Variants in TTC39C observed in about 807,000 individuals in gnomAD.
TTC39C encodes the protein tetratricopeptide repeat protein 39C.
A neutral mutation model predicts 76.3 loss-of-function variants in TTC39C; 33 were observed. The ratio of observed to expected loss-of-function variants is 0.43; its 90% confidence interval spans 0.33 to 0.58. The LOEUF is 0.58. Ranked by LOEUF, TTC39C falls within the 20% of genes least tolerant of loss-of-function variation. TTC39C has a pLI of 0.04. For synonymous variants in TTC39C, 254 were observed against 260.6 expected (o/e 0.97, Z 0.24); for missense variants, 595 against 701.4 (o/e 0.85, Z 1.71).
chr18:24,092,123 A>AAATAATAATAATAATAAT (rs1555775345), intron 6 of TTC39C, among the ~76,000 whole-genome samples: 2 of 50,506 alleles, frequency 4.0e-5, no homozygotes, highest in East Asian at 7.1e-4. Flanking sequence ...AAAAAAAAAA[A>AAATAATAATAATAATAAT]AATAATAATA....
chr18:24,045,136 G>A (rs1229948640), intron 1 of TTC39C, among the ~76,000 whole-genome samples: 58 of 152,064 alleles, frequency 3.8e-4, no homozygotes, highest in Non-Finnish European at 1.0e-4. Context: ...AGACACGGTG[G>A]CACACGCCTG....
chr18:24,023,980 A>ATATAT (rs1568408996), intron 1 of TTC39C, among the ~76,000 whole-genome samples: 1 of 11,578 alleles, frequency 8.6e-5, no homozygotes, highest in South Asian at 4.8e-3. Flanking sequence ...ATATATATAT[A>ATATAT]CATATATATA....
chr18:24,000,454 A>T (rs561610440), intron 1 of TTC39C: 1 of 152,262 alleles, frequency 6.6e-6, no homozygotes, highest in Non-Finnish European at 1.5e-5. Flanking sequence ...CACCCTGCCC[A>T]CAGCTTGATT....
Position 24,130,349 on chromosome 18 carries a change from C to T in TTC39C, c.1555C>T (p.Gln519Ter), listed in dbSNP as rs758714308. Reference sequence around the variant, plus strand: ...AGCTGTTAAAGATGAATTGTGTCGTCAGAATAACTTATATGTTCAGCCGTA... The same window carrying T: ...AGCTGTTAAAGATGAATTGTGTCGTTAGAATAACTTATATGTTCAGCCGTA... ...QRAVKDELCR[Q>*]NNLYVQPYAC... is the part of the protein sequence containing the mutation. Residue 519 changes from glutamine (Q) to a stop codon, truncating the protein, a stop_gained, in exon 12 of 14, where the codon CAG becomes TAG. Coordinates refer to ENST00000317571, the MANE Select transcript of TTC39C (RefSeq NM_001135993.2). LOFTEE classifies it high-confidence loss of function. 3 of 1,590,628 alleles carry T rather than the reference C, an allele frequency of 1.9e-6. No individual in the cohort carries two copies. The highest frequency in any genetic ancestry group is 3.6e-5 in the Admixed American group (2 of 55,674).
chr18:24,120,088 TC>T (rs2084946550), intron 8 of TTC39C, among the ~76,000 whole-genome samples: 1 of 151,874 alleles, frequency 6.6e-6, no homozygotes, highest in African/African-American at 2.4e-5. Flanking sequence ...GGTGAATAGC[TC>T]CAGTACAAAG....
chr18:24,015,016 GA>G lies in TTC39C; in HGVS notation c.146del (p.Asp49AlafsTer13). On this transcript the variant is annotated frameshift_variant, in exon 1 of 14. Transcript: ENST00000317571. LOFTEE classifies it high-confidence loss of function. ...MLLNNGFRES[D>X]QLFKQYRNHS... ...GCTCAACAACGGCTTCAGGGAGTCG[GA>G]CCAGCTTTTCAAACAATACAGGTGA... 2.0e-6 allele frequency: 3 copies of G among 1,513,352 alleles called. No individual in the cohort carries two copies. Among genetic ancestry groups the G allele is most frequent in the Non-Finnish European group, 2.7e-6 (3 of 1,130,654 alleles). The allele number at this position is 1,513,352 out of a possible 1,614,324, so 93.7% of individuals were successfully genotyped here.
chr18:24,060,148 A>G (rs1222888231), intron 1 of TTC39C, among the ~76,000 whole-genome samples: 1 of 152,122 alleles, frequency 6.6e-6, no homozygotes, highest in Non-Finnish European at 1.5e-5. Context: ...GAATTGCCAC[A>G]CTGTCTTCCA....
At chr18:24,005,687 A>C (rs1400122440) in intron 1 of TTC39C, among the ~76,000 whole-genome samples, 1 of 151,886 alleles carries the variant, frequency 6.6e-6, no homozygotes, top group Non-Finnish European at 1.5e-5. Flanking sequence ...CTCTAAAAAA[A>C]AAAAAAAATT....
intron 7 of TTC39C, among the ~76,000 whole-genome samples, chr18:24,115,732 G>C (rs914143608): frequency 5.9e-5 from 9 of 152,206 alleles, no homozygotes; most frequent in Non-Finnish European, 8.8e-5. Context: ...AAAACCAAAA[G>C]ATTGCGAACT....
At chr18:24,036,210 G>T (rs2083730240) in intron 1 of TTC39C, among the ~76,000 whole-genome samples, 1 of 152,184 alleles carries the variant, frequency 6.6e-6, no homozygotes, top group Non-Finnish European at 1.5e-5. Flanking sequence ...GCTATTTGGG[G>T]TCCCTTGAGA....
intron 6 of TTC39C, among the ~76,000 whole-genome samples, chr18:24,103,239 T>C (rs141889204): frequency 6.6e-6 from 1 of 152,364 alleles, no homozygotes; most frequent in East Asian, 1.9e-4. Flanking sequence ...AAGGTACAGA[T>C]AAACGTCTTG....
At chr18:24,061,172 A>G (rs1260392353) in intron 1 of TTC39C, among the ~76,000 whole-genome samples, 1 of 151,754 alleles carries the variant, frequency 6.6e-6, no homozygotes, top group Non-Finnish European at 1.5e-5. Flanking sequence ...TTTGAAAAAA[A>G]TGTTATAGAT....
intron 1 of TTC39C, among the ~76,000 whole-genome samples, chr18:24,041,123 A>T (rs1264826210): frequency 2.6e-5 from 4 of 152,192 alleles, no homozygotes; most frequent in South Asian, 2.1e-4. Flanking sequence ...AATCAGATTT[A>T]CATGTCATTT....
intron 1 of TTC39C, among the ~76,000 whole-genome samples, chr18:24,024,004 A>G (rs866100979): frequency 2.1e-4 from 1 of 4,866 alleles, no homozygotes; most frequent in African/African-American, 5.9e-4. Flanking sequence ...ATATATATAT[A>G]TATATATATA....
At chr18:24,073,908 G>A (rs2084272042) in intron 4 of TTC39C, among the ~76,000 whole-genome samples, 2 of 152,164 alleles carry the variant, frequency 1.3e-5, no homozygotes. Flanking sequence ...TTATTTACAT[G>A]TCTGCCTAAA....
At chr18:23,999,698 C>T (rs770437728) in intron 1 of TTC39C, among the ~76,000 whole-genome samples, 3 of 152,222 alleles carry the variant, frequency 2.0e-5, no homozygotes, top group African/African-American at 7.2e-5. Flanking sequence ...AGCCCTCACC[C>T]TGTGGGGAAG....
In TTC39C at chr18:24,014,900, GGCGGCGGGA is replaced by G; in HGVS notation, c.30_38del (p.Arg11_Asp13del). ...GCCGGCTCGGAGCAGCAGCGGCCGC[GGCGGCGGGA>G]CGACGGAGACTCGGACGCGGCAGCG... On this transcript the variant is annotated inframe_deletion, in exon 1 of 14. Transcript: ENST00000317571. 1 of 1,493,740 alleles carries G rather than the reference GGCGGCGGGA, an allele frequency of 6.7e-7. No homozygotes were observed. The highest frequency in any genetic ancestry group is 1.3e-5 in the South Asian group (1 of 76,952). The allele number at this position is 1,493,740 out of a possible 1,614,324, so 92.5% of individuals were successfully genotyped here. A position where few individuals can be genotyped will look rare whatever the true frequency, so the allele number is the denominator to read the frequency against.
intron 9 of TTC39C, chr18:24,124,433 G>C (rs1201241189): frequency 1.3e-5 from 2 of 152,298 alleles, no homozygotes; most frequent in African/African-American, 4.8e-5. Flanking sequence ...CAGGCTGTCT[G>C]GGGTTGAGAA....
At chr18:24,103,123 CTTTAT>C (rs1353031857) in intron 6 of TTC39C, among the ~76,000 whole-genome samples, 2 of 152,110 alleles carry the variant, frequency 1.3e-5, no homozygotes, top group African/African-American at 4.8e-5. Context: ...AAAAAGGGCT[CTTTAT>C]TTAGCCTCTC....
Sources: allele counts gnomAD v4.1 joint callset (sites outside exome capture counted in the v4.1 genomes callset), GRCh38; gene constraint gnomAD v4.1.1; transcripts MANE v1.5; gene names NCBI Gene and HGNC (gene_info 2026-07-23, HGNC 2026-07-21).